SIPA1L1: variants seen among roughly 807,000 people sequenced by gnomAD.
SIPA1L1 encodes the protein signal induced proliferation associated 1 like 1, also known as signal-induced proliferation-associated 1-like protein 1.
A neutral mutation model predicts 162.7 loss-of-function variants in SIPA1L1; 26 were observed. The ratio of observed to expected loss-of-function variants is 0.16; its 90% CI spans 0.12 to 0.22. The LOEUF (loss-of-function observed/expected upper bound fraction) is 0.22. Ranked by LOEUF, SIPA1L1 falls within the 10% of genes least tolerant of loss-of-function variation. The probability of loss-of-function intolerance (pLI) is 1.00; values close to 1 mark genes in which losing one functional copy is unlikely to be tolerated. For missense variants in SIPA1L1, 1,874 were observed against 2,241.0 expected (o/e 0.84, Z 3.31); for synonymous variants, 829 against 837.4 (o/e 0.99, Z 0.17).
At chr14:71,716,638 T>C (rs2150106364) in intron 17 of SIPA1L1, among the ~76,000 whole-genome samples, 2 of 152,306 alleles carry the variant, frequency 1.3e-5, no homozygotes, top group Middle Eastern at 3.4e-3. Flanking sequence ...CCTTGACTGA[T>C]GACATTCAGG....
intron 4 of SIPA1L1, among the ~76,000 whole-genome samples, chr14:71,561,563 C>A (rs771761973): frequency 6.6e-6 from 1 of 152,138 alleles, no homozygotes; most frequent in African/African-American, 2.4e-5. Flanking sequence ...CTTTGAATTT[C>A]TTTTATGGTA....
intron 2 of SIPA1L1, among the ~76,000 whole-genome samples, chr14:71,484,330 C>T (rs1272605683): frequency 3.2e-5 from 4 of 124,128 alleles, no homozygotes; most frequent in Non-Finnish European, 7.0e-5. Context: ...TGAACTTTCT[C>T]GTCTTTTATC....
intron 3 of SIPA1L1, among the ~76,000 whole-genome samples, chr14:71,522,302 T>G (rs1283689418): frequency 6.6e-6 from 1 of 152,196 alleles, no homozygotes. Flanking sequence ...TCTCTTGGTA[T>G]TGATTTTTCA....
At position 71,730,252 on chromosome 14, in the gene SIPA1L1, G is replaced by A. The variant is rs753734075; in HGVS notation, c.4812G>A (p.Ser1604=). 11 of 1,614,072 alleles carry A rather than the reference G, an allele frequency of 6.8e-6. No individual in the cohort carries two copies. The highest frequency in any genetic ancestry group is 1.7e-5 in the Admixed American group (1 of 60,012). ...GCACGTACCCTTCTCTCCCCAAGTC[G>A]CTCCCGTTGAGGAGGCCTTCTTACA... ...FSSTYPSLPK[S]LPLRRPSYTL... The change falls in exon 20 of 24, where the codon TCG becomes TCA. Residue 1604 remains serine (S), a synonymous_variant. Coordinates refer to ENST00000381232, the MANE Select transcript of SIPA1L1 (RefSeq NM_001386936.1).
At chr14:71,472,148 G>A (rs1478675850) in intron 2 of SIPA1L1, among the ~76,000 whole-genome samples, 3 of 152,178 alleles carry the variant, frequency 2.0e-5, no homozygotes, top group African/African-American at 7.2e-5. Context: ...GGGTCAGGCA[G>A]CCTCCGTCTA....
chr14:71,564,148 T>C (rs1266047934), intron 4 of SIPA1L1, among the ~76,000 whole-genome samples: 2 of 152,024 alleles, frequency 1.3e-5, no homozygotes, highest in East Asian at 1.9e-4. Context: ...GGAGTCTTGC[T>C]ATGTTTTCTA....
intron 2 of SIPA1L1, among the ~76,000 whole-genome samples, chr14:71,390,340 ATTTCC>A (rs1370638579): frequency 1.4e-5 from 2 of 144,446 alleles, no homozygotes; most frequent in Non-Finnish European, 3.1e-5. Flanking sequence ...TATTTAAACT[ATTTCC>A]TTTCAGGGTT....
intron 7 of SIPA1L1, among the ~76,000 whole-genome samples, chr14:71,644,963 A>T (rs570648247): frequency 4.6e-5 from 7 of 152,360 alleles, no homozygotes; most frequent in African/African-American, 1.7e-4. Flanking sequence ...TTAAAACAAC[A>T]TAGATTTGTT....
chr14:71,551,247 G>A (rs1287762330), intron 4 of SIPA1L1, among the ~76,000 whole-genome samples: 1 of 152,206 alleles, frequency 6.6e-6, no homozygotes, highest in Non-Finnish European at 1.5e-5. Context: ...AAACCTTGAT[G>A]TGTGTCTAGG....
intron 10 of SIPA1L1, among the ~76,000 whole-genome samples, chr14:71,668,164 A>G (rs1210016544): frequency 6.6e-6 from 1 of 152,178 alleles, no homozygotes; most frequent in African/African-American, 2.4e-5. Context: ...GATGCCAACC[A>G]ATGTTACATG....
intron 2 of SIPA1L1, among the ~76,000 whole-genome samples, chr14:71,339,403 G>T (rs965810977): frequency 2.7e-5 from 4 of 149,964 alleles, no homozygotes; most frequent in African/African-American, 9.8e-5. Flanking sequence ...CGCTCTGTAG[G>T]CCAGGCTGGA....
intron 6 of SIPA1L1, among the ~76,000 whole-genome samples, chr14:71,621,440 A>G (rs1263496828): frequency 1.3e-5 from 2 of 152,034 alleles, no homozygotes; most frequent in Non-Finnish European, 2.9e-5. Flanking sequence ...CCACCTCAGG[A>G]CACCTCTGCC....
At position 71,377,737 on chromosome 14, in the gene SIPA1L1, G is replaced by A. The variant is rs1198693498; in HGVS notation, c.-465+56556G>A. Among the ~76,000 whole-genome samples, 2 of 152,260 alleles carry A rather than the reference G, an allele frequency of 1.3e-5. No individual in the cohort carries two copies. Among genetic ancestry groups the A allele is most frequent in the Non-Finnish European group, 2.9e-5 (2 of 68,048 alleles). ...CGTCTGCAATCCTGGCACCTCGGGA[G>A]GCCGAGGCGGGCAGATCACCCGAGT... On this transcript the variant is annotated intron_variant, in intron 2 of 23. Transcript: ENST00000381232. The surrounding 1 kb of genome is among the most constrained non-coding windows in gnomAD (Gnocchi z 4.8).
intron 2 of SIPA1L1, chr14:71,379,690 AAG>A (rs1333789982): frequency 1.3e-5 from 2 of 152,196 alleles, no homozygotes; most frequent in Non-Finnish European, 2.9e-5. Context: ...GTAAGGAAAA[AAG>A]AGTGCGTGTG....
chr14:71,717,699 G>C (rs931171952), intron 17 of SIPA1L1, among the ~76,000 whole-genome samples: 1 of 152,166 alleles, frequency 6.6e-6, no homozygotes, highest in Non-Finnish European at 1.5e-5. Context: ...GAGATTCTTA[G>C]GTGAAGTGTA....
intron 2 of SIPA1L1, among the ~76,000 whole-genome samples, chr14:71,412,803 C>T (rs2042498604): frequency 6.6e-6 from 1 of 152,122 alleles, no homozygotes; most frequent in Non-Finnish European, 1.5e-5. Context: ...TTATTGGAAG[C>T]TCTTATGGAC....
At chr14:71,540,819 C>G (rs140914951) in intron 4 of SIPA1L1, among the ~76,000 whole-genome samples, 1 of 151,910 alleles carries the variant, frequency 6.6e-6, no homozygotes, top group Non-Finnish European at 1.5e-5. Context: ...CAAGCTGTAA[C>G]GCATTAATCA....
In SIPA1L1 at chr14:71,587,864, T is replaced by C; in HGVS notation, c.-9T>C. 1 of 1,595,536 alleles carries C rather than the reference T, an allele frequency of 6.3e-7. No individual in the cohort carries two copies. Among genetic ancestry groups the C allele is most frequent in the Non-Finnish European group, 8.6e-7 (1 of 1,165,164 alleles). On this transcript the variant is annotated 5_prime_UTR_variant, in exon 5 of 24. Coordinates refer to ENST00000381232, the MANE Select transcript of SIPA1L1 (RefSeq NM_001386936.1). ...GCTGCAGGGATTTAAGTCTACTTGCTTTTACATCATGACCAGCTTGAAACG... is the reference window on the plus strand; with the variant it reads ...GCTGCAGGGATTTAAGTCTACTTGCCTTTACATCATGACCAGCTTGAAACG...
intron 2 of SIPA1L1, among the ~76,000 whole-genome samples, chr14:71,373,218 G>C (rs2039055159): frequency 6.6e-6 from 1 of 151,822 alleles, no homozygotes; most frequent in Non-Finnish European, 1.5e-5. Context: ...GGCTGAGGCA[G>C]GAGAATCACT....
Sources: gnomAD v4.1 joint callset for allele counts (sites outside exome capture counted in the v4.1 genomes callset) on GRCh38, gnomAD v4.1.1 for gene constraint, Gnocchi (gnomAD v3.1) non-coding constraint, MANE v1.5 for transcripts, NCBI Gene and HGNC (gene_info 2026-07-23, HGNC 2026-07-21) for gene names.